TC2N: variants seen among roughly 807,000 people sequenced by gnomAD.
TC2N encodes the protein tandem C2 domains nuclear protein.
TC2N carries 51 observed loss-of-function variants against 61.9 expected under a neutral mutation model. The ratio of observed to expected loss-of-function variants is 0.82; its 90% CI spans 0.66 to 1.04. The LOEUF is 1.04. TC2N is among the 50% of genes least tolerant of loss of function. TC2N has a pLI of 0.00. For missense variants in TC2N, 556 were observed against 566.7 expected (o/e 0.98, Z 0.19); for synonymous variants, 204 against 192.6 (o/e 1.06, Z -0.49).
intron 9 of TC2N, among the ~76,000 whole-genome samples, chr14:91,789,354 T>C (rs189623429): frequency 5.3e-5 from 8 of 151,782 alleles, no homozygotes; most frequent in African/African-American, 1.9e-4. Context: ...CCCAGCACTT[T>C]GGGAGGCCGA....
rs185811755 is a variant in TC2N at position 91,794,509 on chromosome 14, G to A, written c.856-1951C>T. ...GAGTTGAAGCCAACACTCACTTACC[G>A]TTTTGAAAATCCTAGGGCCCTTAAG... On this transcript the variant is annotated intron_variant, in intron 8 of 11. Transcript: ENST00000435962. 6.8e-4 allele frequency among the ~76,000 whole-genome samples: 103 copies of A among 152,218 alleles called. 2 individuals carry two copies. In the East Asian group the frequency reaches 0.015, roughly 22 times the overall value.
At chr14:91,797,093 T>C (rs1198945475) in intron 8 of TC2N, among the ~76,000 whole-genome samples, 2 of 152,074 alleles carry the variant, frequency 1.3e-5, no homozygotes, top group Admixed American at 6.6e-5. Flanking sequence ...AGAAGTTGTA[T>C]GTTCTAGAAT....
chr14:91,824,448 C>G (rs1887401864), intron 1 of TC2N, among the ~76,000 whole-genome samples: 1 of 152,222 alleles, frequency 6.6e-6, no homozygotes, highest in South Asian at 2.1e-4. Flanking sequence ...CCCCTGCAAA[C>G]CTGCTTTTCC....
At chr14:91,853,658 AC>A (rs1888420911) in intron 1 of TC2N, among the ~76,000 whole-genome samples, 2 of 36,784 alleles carry the variant, frequency 5.4e-5, no homozygotes, top group African/African-American at 2.9e-4. Flanking sequence ...GTACACACAC[AC>A]ACACACACAC....
In TC2N at chr14:91,797,652, A is replaced by C. The variant is rs556132888; in HGVS notation, c.855+133T>G. Reference sequence around the variant, plus strand: ...TTTTCAGACTCAAAGTTGCCTTGAAAAAGCAATAATACATAGTTGTAGTTT... The same window carrying C: ...TTTTCAGACTCAAAGTTGCCTTGAACAAGCAATAATACATAGTTGTAGTTT... On this transcript the variant is annotated intron_variant, in intron 8 of 11. Transcript: ENST00000435962. 2.4e-5 allele frequency: 15 copies of C among 616,496 alleles called. No homozygotes were observed. In the South Asian group the frequency reaches 3.0e-4, roughly 12 times the overall value. 38.2% of individuals were successfully genotyped at this position (616,496 alleles called of 1,614,324 possible). A position where few individuals can be genotyped will look rare whatever the true frequency, so the allele number is the denominator to read the frequency against.
chr14:91,855,495 G>A (rs970872382), intron 1 of TC2N, among the ~76,000 whole-genome samples: 4 of 152,094 alleles, frequency 2.6e-5, no homozygotes, highest in Admixed American at 1.3e-4. Flanking sequence ...TTGTGTGGCC[G>A]CCCTCTTCTC....
rs745517131 is a variant in TC2N at position 91,813,755 on chromosome 14, A to G, written c.15T>C (p.Phe5=). The G allele has an allele frequency of 1.9e-6, 3 of 1,609,120 alleles. No homozygotes were observed. The highest frequency in any genetic ancestry group is 3.4e-5 in the Admixed American group (2 of 59,676). MATE[F]IKSCCGGCFY... is the part of the protein sequence containing the mutation. ...AACATCCTCCACAGCAACTCTTTAT[A>G]AATTCTGTTGCCATTACATTCAATT... is the stretch of plus-strand genomic sequence containing the variant. Residue 5 remains phenylalanine (F), a synonymous_variant, in exon 2 of 12, where the codon TTT becomes TTC. Coordinates refer to ENST00000435962, the MANE Select transcript of TC2N (RefSeq NM_001128596.3).
chr14:91,804,976 T>C (rs1886439263), intron 3 of TC2N, among the ~76,000 whole-genome samples: 2 of 152,160 alleles, frequency 1.3e-5, no homozygotes, highest in East Asian at 1.9e-4. Context: ...AAAAAGAAAA[T>C]ATAGGTCAAA....
Position 91,782,156 on chromosome 14 carries a change from C to A in TC2N, c.*944G>T, listed in dbSNP as rs1359335079. 6.6e-6 allele frequency: 1 copy of A among 151,772 alleles called. No individual in the cohort carries two copies. The highest frequency in any genetic ancestry group is 1.5e-5 in the Non-Finnish European group (1 of 67,848). 9.4% of individuals were successfully genotyped at this position (151,772 alleles called of 1,614,324 possible). ...GTTCTAATAAGTACTGGAAAGAAAA[C>A]TGCAATAGAAAATATTTGTTACACA... On this transcript the variant is annotated 3_prime_UTR_variant, in exon 12 of 12. Transcript: ENST00000435962.
chr14:91,834,924 C>T (rs1251748237), intron 1 of TC2N, among the ~76,000 whole-genome samples: 1 of 152,148 alleles, frequency 6.6e-6, no homozygotes, highest in Non-Finnish European at 1.5e-5. Flanking sequence ...ACCACAAATC[C>T]ACTGCTGCTT....
At chr14:91,842,331 A>T (rs1888179346) in intron 1 of TC2N, among the ~76,000 whole-genome samples, 1 of 152,158 alleles carries the variant, frequency 6.6e-6, no homozygotes, top group South Asian at 2.1e-4. Context: ...TTATTTATCT[A>T]TAGGAACTAC....
intron 1 of TC2N, among the ~76,000 whole-genome samples, chr14:91,838,033 A>C (rs1888080972): frequency 6.6e-6 from 1 of 152,210 alleles, no homozygotes; most frequent in Non-Finnish European, 1.5e-5. Flanking sequence ...AAATATTTAA[A>C]GGTCAGACAA....
rs962311264 is a variant in TC2N, at chr14:91,837,277, G to A, written c.-56-23452C>T. On this transcript the variant is annotated intron_variant, in intron 1 of 11. Transcript: ENST00000435962. This position sits in a 1 kb window ranked among gnomAD's most constrained non-coding sequence, Gnocchi z 4.2. ...GTCGCCCAGGCTGGAGTGTAGCGGT[G>A]CGCCCGTGGCTCAGTGCAGCCTCGA... Among the ~76,000 whole-genome samples, 2 of 152,226 alleles carry A rather than the reference G, an allele frequency of 1.3e-5. No individual in the cohort carries two copies. Among genetic ancestry groups the A allele is most frequent in the African/African-American group, 2.4e-5 (1 of 41,460 alleles).
At chr14:91,806,889 G>A (rs1000711313) in intron 3 of TC2N, among the ~76,000 whole-genome samples, 10 of 152,218 alleles carry the variant, frequency 6.6e-5, no homozygotes, top group South Asian at 2.1e-4. Context: ...TCCCATCACA[G>A]GCCCAGAGGT....
intron 1 of TC2N, among the ~76,000 whole-genome samples, chr14:91,822,699 T>G (rs988094510): frequency 3.4e-5 from 5 of 147,752 alleles, no homozygotes; most frequent in African/African-American, 1.2e-4. Context: ...GGAGTGGGGG[T>G]AATATACTCA....
At chr14:91,822,916 C>G (rs150302233) in intron 1 of TC2N, among the ~76,000 whole-genome samples, 1 of 151,386 alleles carries the variant, frequency 6.6e-6, no homozygotes, top group African/African-American at 2.4e-5. Flanking sequence ...GGGGTTTCAC[C>G]GTGTTAGCCA....
intron 1 of TC2N, among the ~76,000 whole-genome samples, chr14:91,862,014 A>G (rs946557054): frequency 6.6e-6 from 1 of 151,702 alleles, no homozygotes; most frequent in Non-Finnish European, 1.5e-5. Context: ...TCAATTTTGT[A>G]ATTTTAACTC....
At chr14:91,812,180 T>C (rs1886797595) in intron 3 of TC2N, 132 bp downstream of exon 3, 1 of 429,326 alleles carries the variant, frequency 2.3e-6, no homozygotes, top group Non-Finnish European at 3.9e-6. Context: ...TAAGTTCTTC[T>C]ACAGAAAGAG....
chr14:91,847,895 G>A (rs902637374), intron 1 of TC2N, among the ~76,000 whole-genome samples: 2 of 152,200 alleles, frequency 1.3e-5, no homozygotes, highest in Non-Finnish European at 2.9e-5. Context: ...AGCATTGAGT[G>A]TTTTCCTTCC....
Sources: gnomAD v4.1 joint callset for allele counts (sites outside exome capture counted in the v4.1 genomes callset) on GRCh38, gnomAD v4.1.1 for gene constraint, Gnocchi (gnomAD v3.1) non-coding constraint, MANE v1.5 for transcripts, NCBI Gene and HGNC (gene_info 2026-07-23, HGNC 2026-07-21) for gene names.